TRIP11: variants seen among roughly 807,000 people sequenced by gnomAD.
TRIP11 encodes the protein thyroid receptor-interacting protein 11.
In TRIP11, 148 loss-of-function variants were observed where a neutral mutation model predicts 223.1. The observed-to-expected ratio is 0.66, with a 90% CI of 0.58 to 0.76. TRIP11 has a LOEUF of 0.76. Among genes scored for constraint, TRIP11 ranks in the 30% least tolerant of loss-of-function variants. TRIP11 has a pLI of 0.00. For missense variants in TRIP11, 2,043 were observed against 2,222.0 expected, an observed-to-expected ratio of 0.92 and a Z score of 1.62; for synonymous variants, 762 against 772.6, an observed-to-expected ratio of 0.99 and a Z score of 0.23.
At position 91,969,511 on chromosome 14, in the gene TRIP11, C is replaced by A. The variant is rs1318449538; in HGVS notation, c.*162G>T. On this transcript the variant is annotated 3_prime_UTR_variant, in exon 21 of 21. Coordinates refer to ENST00000267622, the MANE Select transcript of TRIP11 (RefSeq NM_004239.4). ...AGCAAACACTTGCTCCTGACACCTG[C>A]AGTTTCTAAAAGCATTAGGAATATT... 16 of 737,368 alleles carry A rather than the reference C, an allele frequency of 2.2e-5. No homozygotes were observed. The highest frequency in any genetic ancestry group is 4.2e-5 in the Admixed American group (2 of 47,370). The allele number at this position is 737,368 out of a possible 1,614,324, so 45.7% of individuals were successfully genotyped here. A position where few individuals can be genotyped will look rare whatever the true frequency, so the allele number is the denominator to read the frequency against.
In TRIP11 at chr14:92,017,746, G is replaced by A; in HGVS notation, c.593C>T (p.Ser198Phe). The change falls in exon 5 of 21, where the codon TCC (serine) becomes TTC (phenylalanine). Residue 198 changes from serine (S) to phenylalanine (F), a missense_variant. Transcript: ENST00000267622. ...AGAGTTATCTGTTCCTTGTGCTTTG[G>A]AAGTCTAGATCAGAAAAAGAGAATT... ...VGHWRHIAQT[S>F]KAQGTDNSDQ... is the part of the protein sequence containing the mutation. The A allele has an allele frequency of 6.2e-7, 1 of 1,612,350 alleles. No individual in the cohort carries two copies. The highest frequency in any genetic ancestry group is 1.1e-5 in the South Asian group (1 of 90,990).
chr14:91,993,274 C>T (rs1040074341), intron 15 of TRIP11, among the ~76,000 whole-genome samples: 3 of 151,656 alleles, frequency 2.0e-5, no homozygotes, highest in Non-Finnish European at 4.4e-5. Context: ...GTCAGGAGTT[C>T]GAGACCAGCC....
intron 14 of TRIP11, among the ~76,000 whole-genome samples, chr14:91,994,671 T>C (rs1032911376): frequency 7.2e-5 from 11 of 152,220 alleles, no homozygotes; most frequent in Non-Finnish European, 1.6e-4. Context: ...CCTAATCACC[T>C]CCGACAACTA....
intron 2 of TRIP11, among the ~76,000 whole-genome samples, chr14:92,029,468 G>A (rs1283783802): frequency 6.6e-6 from 1 of 151,592 alleles, no homozygotes; most frequent in Non-Finnish European, 1.5e-5. Flanking sequence ...GCTAATTTTT[G>A]TATTTTTTGT....
Position 92,007,645 on chromosome 14 carries a change from T to C in TRIP11, c.1522A>G (p.Thr508Ala), listed in dbSNP as rs765327187. Residue 508 changes from threonine (T) to alanine (A), a missense_variant, in exon 10 of 21, where the codon ACA (threonine) becomes GCA (alanine). Thr to Ala is a moderately conservative substitution (Grantham distance 58, BLOSUM62 0). Transcript: ENST00000267622. ...TGTATTTAATACAGTGTTACCTTTG[T>C]AGCTTCTTGATTCTGTCTGTCCAAT... ...EELDRQNQEA[T>A]KHMILIKDQL... 1 of 1,613,384 alleles carries C rather than the reference T, an allele frequency of 6.2e-7. No homozygotes were observed. The highest frequency in any genetic ancestry group is 1.1e-5 in the South Asian group (1 of 91,070).
In TRIP11 at chr14:92,017,679, T is replaced by C. The variant is rs2057051455; in HGVS notation, c.657+3A>G. The C allele has an allele frequency of 6.2e-7, 1 of 1,608,332 alleles. No homozygotes were observed. On this transcript the variant is annotated splice_donor_region_variant and intron_variant, in intron 5 of 20. Transcript: ENST00000267622. Reference sequence around the variant, plus strand: ...CCCATCATCAATCAACAATTTGACTTACCTTAATGATATTTTGTAGTTTAC... The same window carrying C: ...CCCATCATCAATCAACAATTTGACTCACCTTAATGATATTTTGTAGTTTAC...
At chr14:92,032,897 C>T (rs1307617800) in intron 2 of TRIP11, among the ~76,000 whole-genome samples, 1 of 151,130 alleles carries the variant, frequency 6.6e-6, no homozygotes, top group Non-Finnish European at 1.5e-5. Context: ...GCTGTTAGAA[C>T]ACAGTAAACT....
chr14:91,978,113 A>G lies in TRIP11; in HGVS notation c.5261-1924T>C, dbSNP rs957846106. Reference sequence around the variant, plus strand: ...TTATTAAAGTCTGAGTCAGTAAAAGACACTTTAGATTCCTAATGTGCACAT... The same window carrying G: ...TTATTAAAGTCTGAGTCAGTAAAAGGCACTTTAGATTCCTAATGTGCACAT... On this transcript the variant is annotated intron_variant, in intron 16 of 20. Coordinates refer to ENST00000267622, the MANE Select transcript of TRIP11 (RefSeq NM_004239.4). This position sits in a 1 kb window ranked among gnomAD's most constrained non-coding sequence, Gnocchi z 4.4. Among the ~76,000 whole-genome samples, 14 of 152,176 alleles carry G rather than the reference A, an allele frequency of 9.2e-5. No individual in the cohort carries two copies. The highest frequency in any genetic ancestry group is 3.4e-4 in the African/African-American group (14 of 41,444).
chr14:91,998,780 T>C (rs2056783262), intron 13 of TRIP11, among the ~76,000 whole-genome samples: 1 of 152,074 alleles, frequency 6.6e-6, no homozygotes, highest in Non-Finnish European at 1.5e-5. Context: ...AGAGTGCTAA[T>C]AAACCCAGTT....
chr14:91,975,425 CTT>C, intron 17 of TRIP11, 139 bp from the exon 18 acceptor site: 1 of 457,810 alleles, frequency 2.2e-6, no homozygotes. Context: ...TTTAAAGTGT[CTT>C]TAAAAAATCT....
At position 92,017,724 on chromosome 14, in the gene TRIP11, GTTA is replaced by G. The variant is rs1159479465; in HGVS notation, c.612_614del (p.Asn205del). ...GTTTACATATTTCACTTTGATCAGA[GTTA>G]TCTGTTCCTTGTGCTTTGGAAGTCT... is the stretch of plus-strand genomic sequence containing the variant. On this transcript the variant is annotated inframe_deletion, in exon 5 of 21. Coordinates refer to ENST00000267622, the MANE Select transcript of TRIP11 (RefSeq NM_004239.4). 3 of 1,612,806 alleles carry G rather than the reference GTTA, an allele frequency of 1.9e-6. No individual in the cohort carries two copies. The East Asian group carries it at 6.7e-5, about 36-fold the overall frequency.
chr14:91,987,007 A>G (rs1412316976), intron 16 of TRIP11, among the ~76,000 whole-genome samples: 2 of 152,234 alleles, frequency 1.3e-5, no homozygotes, highest in Non-Finnish European at 2.9e-5. Flanking sequence ...AATAGTTAAA[A>G]AGATCGGAGT....
In TRIP11 at chr14:92,005,839, T is replaced by G. The variant is rs1317293642; in HGVS notation, c.2137A>C (p.Thr713Pro). 3.7e-6 allele frequency: 6 copies of G among 1,613,906 alleles called. No homozygotes were observed. Among genetic ancestry groups the G allele is most frequent in the Non-Finnish European group, 1.7e-6 (2 of 1,180,024 alleles). The change falls in exon 11 of 21, where the codon ACT (threonine) becomes CCT (proline). Residue 713 changes from threonine (T) to proline (P), a missense_variant. By Grantham distance (38) the Thr-to-Pro change is conservative. Coordinates refer to ENST00000267622, the MANE Select transcript of TRIP11 (RefSeq NM_004239.4). ...LSLEKNTIVE[T>P]LKMEKGEIEA... ...ATCTCTCCTTTTTCCATTTTTAGAGTCTCCACAATAGTGTTTTTTTCCAGA... is the reference window on the plus strand; with the variant it reads ...ATCTCTCCTTTTTCCATTTTTAGAGGCTCCACAATAGTGTTTTTTTCCAGA...
At chr14:92,036,300 T>C (rs2057324735) in intron 1 of TRIP11, among the ~76,000 whole-genome samples, 2 of 152,216 alleles carry the variant, frequency 1.3e-5, no homozygotes. Flanking sequence ...ATATTCTGAC[T>C]TTGTCAATAA....
At chr14:91,986,737 C>T (rs1566848619) in intron 16 of TRIP11, among the ~76,000 whole-genome samples, 1 of 152,168 alleles carries the variant, frequency 6.6e-6, no homozygotes, top group African/African-American at 2.4e-5. Context: ...ATTATCAATT[C>T]CCAGTGTGTC....
At position 92,003,894 on chromosome 14, in the gene TRIP11, G is replaced by C; in HGVS notation, c.4082C>G (p.Ala1361Gly). 6.2e-7 allele frequency: 1 copy of C among 1,613,980 alleles called. No individual in the cohort carries two copies. The highest frequency in any genetic ancestry group is 1.1e-5 in the South Asian group (1 of 91,076). The change falls in exon 11 of 21, where the codon GCA becomes GGA. Residue 1361 changes from alanine to glycine, a missense_variant. Physicochemically the swap from Ala to Gly is moderately conservative, Grantham distance 60. Transcript: ENST00000267622. Reference sequence around the variant, plus strand: ...ATTTTCCTGGAGAGTTCTAATTGTTGCATCTTTTTCCTGTAGTGATTTTCT... The same window carrying C: ...ATTTTCCTGGAGAGTTCTAATTGTTCCATCTTTTTCCTGTAGTGATTTTCT... Reference protein sequence around the residue: ...ELRKSLQEKDATIRTLQENNH... With the variant: ...ELRKSLQEKDGTIRTLQENNH...
intron 13 of TRIP11, among the ~76,000 whole-genome samples, chr14:91,996,440 G>A (rs1179352517): frequency 1.3e-5 from 2 of 152,184 alleles, no homozygotes; most frequent in African/African-American, 4.8e-5. Context: ...CCTTTGAGAG[G>A]CCAAGGCAAA....
At position 92,005,739 on chromosome 14, in the gene TRIP11, A is replaced by G. The variant is rs745959376; in HGVS notation, c.2237T>C (p.Leu746Pro). The change falls in exon 11 of 21, where the codon CTG becomes CCG. Residue 746 changes from leucine (L) to proline (P), a missense_variant. By Grantham distance (98) the Leu-to-Pro change is moderately conservative. Coordinates refer to ENST00000267622, the MANE Select transcript of TRIP11 (RefSeq NM_004239.4). The stretch of plus-strand genomic sequence containing the variant: ...GGTATTCAAATTACGTGCATTTGAC[A>G]GTTCTTCAATGGTTTTCTCATACTT... ...ANKYEKTIEE[L>P]SNARNLNTSA... 4.6e-5 allele frequency: 75 copies of G among 1,613,948 alleles called. No individual in the cohort carries two copies. In the Admixed American group the frequency reaches 1.2e-3, roughly 27 times the overall value.
intron 14 of TRIP11, 150 bp from the exon 15 acceptor site, chr14:91,994,062 A>T (rs142336780): frequency 1.4e-4 from 93 of 653,274 alleles, no homozygotes; most frequent in African/African-American, 1.4e-3. Context: ...GTTAAGCGGT[A>T]CTAAACTAAT....
Sources: gnomAD v4.1 joint callset for allele counts (sites outside exome capture counted in the v4.1 genomes callset) on GRCh38, gnomAD v4.1.1 for gene constraint, Gnocchi (gnomAD v3.1) non-coding constraint, MANE v1.5 for transcripts, NCBI Gene and HGNC (gene_info 2026-07-23, HGNC 2026-07-21) for gene names.